IQGAP2: variants seen among roughly 807,000 people sequenced by gnomAD.
The protein encoded by IQGAP2 is ras GTPase-activating-like protein IQGAP2.
In IQGAP2, 173 loss-of-function variants were observed where a neutral mutation model predicts 201.3. That is an observed-to-expected ratio of 0.86 (90% CI 0.76 to 0.98). The LOEUF (loss-of-function observed/expected upper bound fraction) is 0.98. Among genes scored for constraint, IQGAP2 ranks in the 50% least tolerant of loss-of-function variants. IQGAP2 has a pLI of 0.00. For synonymous variants in IQGAP2, 675 were observed against 673.9 expected (o/e 1.00, Z -0.03); for missense variants, 1,687 against 1,864.8 (o/e 0.90, Z 1.76).
intron 9 of IQGAP2, chr5:76,597,070 A>T: frequency 5.3e-6 from 1 of 188,408 alleles, no homozygotes. Flanking sequence ...CCCAGCTTTA[A>T]ATAACTATGG....
intron 33 of IQGAP2, among the ~76,000 whole-genome samples, chr5:76,700,723 C>T (rs1747301611): frequency 6.6e-6 from 1 of 152,150 alleles, no homozygotes; most frequent in South Asian, 2.1e-4. Flanking sequence ...CTAGTAATAT[C>T]GTTATCTAGG....
At chr5:76,551,592 T>TC (rs2150235621) in intron 2 of IQGAP2, among the ~76,000 whole-genome samples, 1 of 152,124 alleles carries the variant, frequency 6.6e-6, no homozygotes, top group South Asian at 2.1e-4. Context: ...CGAGACTCCG[T>TC]CTGCAATCCC....
chr5:76,695,443 T>A lies in IQGAP2; in HGVS notation c.3994-11T>A, dbSNP rs755796250. On this transcript the variant is annotated splice_polypyrimidine_tract_variant and intron_variant, in intron 31 of 35. Coordinates refer to ENST00000274364, the MANE Select transcript of IQGAP2 (RefSeq NM_006633.5). ...CAGAGAAAACTCAGCATCTTGATAT[T>A]CTCTTTTCAGGAGGTAGACCATGCC... The A allele has an allele frequency of 1.4e-5, 22 of 1,610,708 alleles. No individual in the cohort carries two copies. The highest frequency in any genetic ancestry group is 6.7e-5 in the Admixed American group (4 of 59,972).
rs1187155642 is a variant in IQGAP2, at chr5:76,683,759, A to G, written c.3764-17A>G. The G allele has an allele frequency of 4.4e-6, 7 of 1,600,936 alleles. No individual in the cohort carries two copies. The highest frequency in any genetic ancestry group is 6.0e-6 in the Non-Finnish European group (7 of 1,172,796). On this transcript the variant is annotated splice_polypyrimidine_tract_variant and intron_variant, in intron 29 of 35. Coordinates refer to ENST00000274364, the MANE Select transcript of IQGAP2 (RefSeq NM_006633.5). ...AAGAGTGAATTGGAAAAATAACACTAGGTTTTTTCCCTACAGGGGAAGGAG... is the reference window on the plus strand; with the variant it reads ...AAGAGTGAATTGGAAAAATAACACTGGGTTTTTTCCCTACAGGGGAAGGAG...
intron 20 of IQGAP2, among the ~76,000 whole-genome samples, chr5:76,656,627 C>CA (rs5868835): frequency 0.63 from 94,972 of 151,794 alleles, 29,957 homozygotes; most frequent in South Asian, 0.82. Context: ...TCATTTTATT[C>CA]AGGTAAAGTG....
chr5:76,520,700 C>CTT (rs5868829), intron 2 of IQGAP2, among the ~76,000 whole-genome samples: 52,028 of 109,078 alleles, frequency 0.48, 13,137 homozygotes, highest in East Asian at 0.57. Context: ...GGTCTCTCCT[C>CTT]TTTTTTTTTT....
At chr5:76,435,558 A>T (rs749058157) in intron 1 of IQGAP2, among the ~76,000 whole-genome samples, 1 of 152,150 alleles carries the variant, frequency 6.6e-6, no homozygotes, top group Admixed American at 6.6e-5. Flanking sequence ...CTACTTTTAT[A>T]CCAGTACCAT....
At chr5:76,546,507 A>G (rs1193602079) in intron 2 of IQGAP2, among the ~76,000 whole-genome samples, 1 of 152,162 alleles carries the variant, frequency 6.6e-6, no homozygotes, top group Non-Finnish European at 1.5e-5. Context: ...AGGAATTGAT[A>G]TACCAGGCGT....
chr5:76,545,479 T>A lies in IQGAP2; in HGVS notation c.147-16917T>A, dbSNP rs560720278. On this transcript the variant is annotated intron_variant, in intron 2 of 35. Coordinates refer to ENST00000274364, the MANE Select transcript of IQGAP2 (RefSeq NM_006633.5). ...GACCCCTAAAAGTTATTTCCTTTTA[T>A]CCCTGGTTCCCTCCCTCCCATAGGC... Among the ~76,000 whole-genome samples, 7 of 152,338 alleles carry A rather than the reference T, an allele frequency of 4.6e-5. No homozygotes were observed. The South Asian group carries it at 1.4e-3, about 32-fold the overall frequency.
chr5:76,509,588 G>T (rs1757832840), intron 2 of IQGAP2, among the ~76,000 whole-genome samples: 1 of 151,986 alleles, frequency 6.6e-6, no homozygotes, highest in African/African-American at 2.4e-5. Context: ...TAGAGATGGG[G>T]TTTCACCATG....
intron 3 of IQGAP2, among the ~76,000 whole-genome samples, chr5:76,565,789 G>A (rs1744704177): frequency 6.6e-6 from 1 of 152,146 alleles, no homozygotes; most frequent in Non-Finnish European, 1.5e-5. Flanking sequence ...TACATACTCA[G>A]TATGCTGAGT....
intron 2 of IQGAP2, among the ~76,000 whole-genome samples, chr5:76,512,097 A>T (rs1469565441): frequency 1.3e-5 from 2 of 152,200 alleles, no homozygotes; most frequent in East Asian, 3.8e-4. Context: ...TCTAATTCTT[A>T]TTCTCATATT....
intron 13 of IQGAP2, among the ~76,000 whole-genome samples, chr5:76,613,351 T>C (rs975347069): frequency 6.6e-6 from 1 of 152,234 alleles, no homozygotes; most frequent in African/African-American, 2.4e-5. Flanking sequence ...GTTATTTGCT[T>C]TGAAGATAGA....
chr5:76,618,329 G>T (rs1561516892), intron 13 of IQGAP2: 1 of 1,614,204 alleles, frequency 6.2e-7, no homozygotes, highest in Non-Finnish European at 8.5e-7. Context: ...CAGTGGTACA[G>T]ATGGATCTGG....
At chr5:76,612,327 TAAAAATA>T (rs1383506112) in intron 13 of IQGAP2, among the ~76,000 whole-genome samples, 2 of 151,674 alleles carry the variant, frequency 1.3e-5, no homozygotes, top group African/African-American at 4.8e-5. Context: ...TGCTAAAAGA[TAAAAATA>T]AAAAATAAAA....
chr5:76,444,811 A>G (rs1753276985), intron 1 of IQGAP2, among the ~76,000 whole-genome samples: 1 of 152,178 alleles, frequency 6.6e-6, no homozygotes, highest in South Asian at 2.1e-4. Context: ...CCTTCATCCC[A>G]TGGCCTCCTG....
chr5:76,528,207 G>A (rs1759078660), intron 2 of IQGAP2, among the ~76,000 whole-genome samples: 1 of 152,060 alleles, frequency 6.6e-6, no homozygotes, highest in Non-Finnish European at 1.5e-5. Context: ...TCCATTCTTG[G>A]CCCACACTGC....
At chr5:76,640,873 T>G (rs1156474427) in intron 16 of IQGAP2, 60 bp from the exon 17 acceptor site, 14 of 1,213,136 alleles carry the variant, frequency 1.2e-5, no homozygotes, top group Non-Finnish European at 1.6e-5. Context: ...TCAGAAGCTA[T>G]TCTATGTGTG....
At chr5:76,469,762 G>T (rs757445389) in intron 2 of IQGAP2, among the ~76,000 whole-genome samples, 1 of 151,470 alleles carries the variant, frequency 6.6e-6, no homozygotes, top group Non-Finnish European at 1.5e-5. Flanking sequence ...TTTTTTTAGG[G>T]CCAAAAAGAA....
Sources: gnomAD v4.1 joint callset for allele counts (sites outside exome capture counted in the v4.1 genomes callset) on GRCh38, gnomAD v4.1.1 for gene constraint, MANE v1.5 for transcripts, NCBI Gene and HGNC (gene_info 2026-07-23, HGNC 2026-07-21) for gene names.